PBLD: variants seen among roughly 807,000 people sequenced by gnomAD.
The protein encoded by PBLD is phenazine biosynthesis-like domain-containing protein.
In PBLD, 26 loss-of-function variants were observed where a neutral mutation model predicts 31.3. The observed-to-expected ratio is 0.83, with a 90% CI of 0.61 to 1.15. The LOEUF (loss-of-function observed/expected upper bound fraction) is 1.15, where lower values mean the gene tolerates loss of function less well. Ranked by LOEUF, PBLD falls within the 50% of genes most tolerant of loss-of-function variation. The pLI is 0.00. For missense variants in PBLD, 307 were observed against 351.7 expected (o/e 0.87, Z 1.02); for synonymous variants, 114 against 129.0 (o/e 0.88, Z 0.79).
intron 1 of PBLD, among the ~76,000 whole-genome samples, chr10:68,309,805 C>CAAA: frequency 7.6e-6 from 1 of 131,934 alleles, no homozygotes; most frequent in Admixed American, 8.2e-5. Context: ...GACTCCGTCT[C>CAAA]AAAAAAAAAA....
At chr10:68,322,253 T>C (rs2044845924) in intron 1 of PBLD, among the ~76,000 whole-genome samples, 1 of 151,998 alleles carries the variant, frequency 6.6e-6, no homozygotes, top group Non-Finnish European at 1.5e-5. Flanking sequence ...CAGCAGATGC[T>C]AAGGAGACAT....
Position 68,316,885 on chromosome 10 carries a change from C to T in PBLD, c.-59-9982G>A, listed in dbSNP as rs371051678. 2.6e-5 allele frequency among the ~76,000 whole-genome samples: 4 copies of T among 152,094 alleles called. 1 individual carries two copies. Among genetic ancestry groups the T allele is most frequent in the African/African-American group, 7.2e-5 (3 of 41,504 alleles). On this transcript the variant is annotated intron_variant, in intron 1 of 9. Coordinates refer to ENST00000358769, the MANE Select transcript of PBLD (RefSeq NM_022129.4). ...AAAATTAGCCAGGCATAGTGGCGTGCGAATGTAGTCCCAGCAACTCGGGAG... is the reference window on the plus strand; with the variant it reads ...AAAATTAGCCAGGCATAGTGGCGTGTGAATGTAGTCCCAGCAACTCGGGAG...
At position 68,292,206 on chromosome 10, in the gene PBLD, G is replaced by T. The variant is rs141058543; in HGVS notation, c.316C>A (p.Leu106Met). The change falls in exon 5 of 10, where the codon CTG becomes ATG. Residue 106 changes from leucine to methionine, a missense_variant. By Grantham distance (15) the Leu-to-Met change is conservative. Transcript: ENST00000358769. ...CGTCTGGCCCTTAGTTCTCCACTCA[G>T]AGTGACAAACGTGAGCGTGCTATTC... The part of the protein sequence containing the change: ...NMNSTLTFVT[L>M]SGELRARRAE... 23 of 1,613,636 alleles carry T rather than the reference G, an allele frequency of 1.4e-5. No homozygotes were observed. The highest frequency in any genetic ancestry group is 1.7e-5 in the Non-Finnish European group (20 of 1,180,046).
intron 2 of PBLD, among the ~76,000 whole-genome samples, chr10:68,304,021 C>G (rs533916778): frequency 3.6e-4 from 55 of 152,302 alleles, no homozygotes; most frequent in African/African-American, 1.3e-3. Context: ...AACTTGTTAA[C>G]CTTTGTACCT....
intron 1 of PBLD, among the ~76,000 whole-genome samples, chr10:68,322,481 A>G (rs1422858476): frequency 6.6e-6 from 1 of 150,764 alleles, no homozygotes; most frequent in Non-Finnish European, 1.5e-5. Flanking sequence ...GGCAACATAG[A>G]GAGATCTCAT....
intron 1 of PBLD, among the ~76,000 whole-genome samples, chr10:68,326,502 T>C (rs930536883): frequency 6.6e-6 from 1 of 152,250 alleles, no homozygotes; most frequent in African/African-American, 2.4e-5. Flanking sequence ...GCCCACAGAA[T>C]AGTTCATATG....
intron 1 of PBLD, among the ~76,000 whole-genome samples, chr10:68,325,051 CTGGCCAACA>C (rs1258244988): frequency 7.9e-5 from 12 of 152,134 alleles, no homozygotes; most frequent in Admixed American, 7.8e-4. Context: ...CAAGACCAGC[CTGGCCAACA>C]TGGTGAAACC....
At chr10:68,290,489 A>G (rs10762207) in intron 6 of PBLD, among the ~76,000 whole-genome samples, 119,870 of 152,078 alleles carry the variant, frequency 0.79, 47,856 homozygotes, top group Non-Finnish European at 0.86. Flanking sequence ...AGGCCGAGGC[A>G]GGCGGATCAC....
chr10:68,286,311 C>T (rs893068174), intron 8 of PBLD, among the ~76,000 whole-genome samples: 1 of 151,922 alleles, frequency 6.6e-6, no homozygotes, highest in Non-Finnish European at 1.5e-5. Flanking sequence ...TGGTCTTGAA[C>T]TCCTGACTTC....
chr10:68,297,549 G>A (rs376635190), intron 2 of PBLD, among the ~76,000 whole-genome samples: 10 of 152,050 alleles, frequency 6.6e-5, no homozygotes, highest in East Asian at 1.9e-4. Flanking sequence ...GTCTGGCCTC[G>A]CCACCTCTGA....
intron 1 of PBLD, among the ~76,000 whole-genome samples, chr10:68,307,132 C>A (rs1023555327): frequency 6.6e-6 from 1 of 152,024 alleles, no homozygotes; most frequent in African/African-American, 2.4e-5. Context: ...CCGGTTCAAG[C>A]GATTTTCCTG....
chr10:68,316,778 T>C (rs1383023206), intron 1 of PBLD, among the ~76,000 whole-genome samples: 1 of 151,994 alleles, frequency 6.6e-6, no homozygotes, highest in African/African-American at 2.4e-5. Flanking sequence ...TTTGGGAGGC[T>C]GAGGAGGGCA....
At chr10:68,324,632 A>G (rs547300031) in intron 1 of PBLD, among the ~76,000 whole-genome samples, 1 of 150,946 alleles carries the variant, frequency 6.6e-6, no homozygotes, top group African/African-American at 2.4e-5. Context: ...TTATTTATTT[A>G]TTTAGAGACA....
In PBLD at chr10:68,319,826, A is replaced by AT. The variant is rs1236252024; in HGVS notation, c.-59-12924dup. On this transcript the variant is annotated intron_variant, in intron 1 of 9. Coordinates refer to ENST00000358769, the MANE Select transcript of PBLD (RefSeq NM_022129.4). ...TTTATTTATTTATTTATTTTTATTT[A>AT]TTTATTTTTTTTTTGAGATGGAGTT... is the stretch of plus-strand genomic sequence containing the variant. Among the ~76,000 whole-genome samples the AT allele has an allele frequency of 1.7e-3, 235 of 138,392 alleles. 2 individuals carry two copies. The highest frequency in any genetic ancestry group is 0.014 in the Middle Eastern group (4 of 284). The allele number at this position is 138,392 out of a possible 152,430, so 90.8% of individuals were successfully genotyped here.
In PBLD at chr10:68,288,945, A is replaced by G. The variant is rs1769781519; in HGVS notation, c.498T>C (p.Ser166=). ...AAAAATCTTACCTGTTGTAAACGTCACTGAGGCGGACGAGGAGCTTTTGGG... is the reference window on the plus strand; with the variant it reads ...AAAAATCTTACCTGTTGTAAACGTCGCTGAGGCGGACGAGGAGCTTTTGGG... ...PDTQKLLVRL[S]DVYNRSFLEN... The change falls in exon 7 of 10, where the codon AGT becomes AGC. Residue 166 remains serine (S), a synonymous_variant. Coordinates refer to ENST00000358769, the MANE Select transcript of PBLD (RefSeq NM_022129.4). The G allele has an allele frequency of 2.5e-6, 4 of 1,614,050 alleles. No homozygotes were observed. Among genetic ancestry groups the G allele is most frequent in the Middle Eastern group, 1.6e-4 (1 of 6,084 alleles).
chr10:68,314,100 C>T (rs1429328935), intron 1 of PBLD, among the ~76,000 whole-genome samples: 1 of 152,006 alleles, frequency 6.6e-6, no homozygotes, highest in Non-Finnish European at 1.5e-5. Flanking sequence ...CCTCAGCCTC[C>T]CGAGTAGCTG....
At chr10:68,299,845 T>A (rs1462076786) in intron 2 of PBLD, among the ~76,000 whole-genome samples, 1 of 151,872 alleles carries the variant, frequency 6.6e-6, no homozygotes, top group East Asian at 1.9e-4. Flanking sequence ...AGAGCAAGAC[T>A]CCATCTCAAA....
At chr10:68,299,727 G>A (rs7903183) in intron 2 of PBLD, among the ~76,000 whole-genome samples, 18,755 of 151,616 alleles carry the variant, frequency 0.12, 1,554 homozygotes, top group South Asian at 0.25. Context: ...GTGGTGGTGC[G>A]CGCCTGTAAT....
chr10:68,292,050 G>GA lies in PBLD; in HGVS notation c.394-12_394-11insT, dbSNP rs1288930376. Reference sequence around the variant, plus strand: ...TACTTCATGGAAGTCCTAGATGGGGGGAAAAAAAACAAAATTATTATAAAA... The same window carrying GA: ...TACTTCATGGAAGTCCTAGATGGGGGAGAAAAAAAACAAAATTATTATAAAA... On this transcript the variant is annotated splice_polypyrimidine_tract_variant and intron_variant, in intron 5 of 9. Coordinates refer to ENST00000358769, the MANE Select transcript of PBLD (RefSeq NM_022129.4). 5.0e-6 allele frequency: 8 copies of GA among 1,587,266 alleles called. No homozygotes were observed. Among genetic ancestry groups the GA allele is most frequent in the Admixed American group, 1.7e-5 (1 of 58,178 alleles).
Sources: gnomAD v4.1 joint callset for allele counts (sites outside exome capture counted in the v4.1 genomes callset) on GRCh38, gnomAD v4.1.1 for gene constraint, MANE v1.5 for transcripts, NCBI Gene and HGNC (gene_info 2026-07-23, HGNC 2026-07-21) for gene names.